CECR2: variants seen among roughly 807,000 people sequenced by gnomAD.
The protein encoded by CECR2 is chromatin remodeling regulator CECR2.
A neutral mutation model predicts 154.5 loss-of-function variants in CECR2; 30 were observed. The ratio of observed to expected loss-of-function variants is 0.19; its 90% CI spans 0.15 to 0.26. The LOEUF (loss-of-function observed/expected upper bound fraction) is 0.26. CECR2 is among the 10% of genes least tolerant of loss of function. The pLI is 1.00. For missense variants in CECR2, 1,743 were observed against 1,829.3 expected (o/e 0.95, Z 0.86); for synonymous variants, 725 against 683.7 (o/e 1.06, Z -0.94).
intron 1 of CECR2, among the ~76,000 whole-genome samples, chr22:17,391,137 G>A (rs1423908063): frequency 6.6e-6 from 1 of 152,128 alleles, no homozygotes; most frequent in Non-Finnish European, 1.5e-5. Context: ...ACTTTCTCTT[G>A]TATGACCACA....
At chr22:17,513,241 A>G (rs2055991614) in intron 8 of CECR2, among the ~76,000 whole-genome samples, 1 of 152,220 alleles carries the variant, frequency 6.6e-6, no homozygotes, top group Non-Finnish European at 1.5e-5. Context: ...GGAAGGGACA[A>G]CACTTTTTAA....
At chr22:17,480,672 A>G (rs1300440483) in intron 2 of CECR2, among the ~76,000 whole-genome samples, 5 of 152,222 alleles carry the variant, frequency 3.3e-5, no homozygotes. Context: ...CATTCTAAAG[A>G]AAGAGAAATT....
chr22:17,447,287 G>A (rs2054687538), intron 1 of CECR2, among the ~76,000 whole-genome samples: 1 of 151,902 alleles, frequency 6.6e-6, no homozygotes, highest in African/African-American at 2.4e-5. Flanking sequence ...CGAGTAGCTG[G>A]GACTACAGGC....
chr22:17,511,450 C>T (rs1483812386), intron 7 of CECR2, among the ~76,000 whole-genome samples: 1 of 152,130 alleles, frequency 6.6e-6, no homozygotes, highest in Admixed American at 6.6e-5. Context: ...CCTGATGCCC[C>T]CTCCCAGAGC....
chr22:17,430,589 A>G (rs1016209022), intron 1 of CECR2, among the ~76,000 whole-genome samples: 2 of 152,164 alleles, frequency 1.3e-5, no homozygotes, highest in African/African-American at 4.8e-5. Flanking sequence ...TCTCTGGGTT[A>G]GACTGCCCTG....
chr22:17,552,055 G>A lies in CECR2; in HGVS notation c.4302G>A (p.Ser1434=), dbSNP rs746790177. The A allele has an allele frequency of 1.1e-5, 18 of 1,613,798 alleles. No individual in the cohort carries two copies. The highest frequency in any genetic ancestry group is 2.7e-5 in the African/African-American group (2 of 74,882). Residue 1434 remains serine, a synonymous_variant, in exon 18 of 19, where the codon TCG becomes TCA. Coordinates refer to ENST00000262608, the MANE Select transcript of CECR2 (RefSeq NM_001290047.2). ...GAATGCAGATGCACCCGGTCCAGTC[G>A]CAGGCCTCGTTCCCAAAGACCCCCA... ...PSGMQMHPVQ[S]QASFPKTPTA...
chr22:17,538,213 G>A (rs143851809), intron 10 of CECR2, among the ~76,000 whole-genome samples: 3 of 152,290 alleles, frequency 2.0e-5, no homozygotes, highest in Non-Finnish European at 4.4e-5. Context: ...GCAAGATCCT[G>A]TCTCAAAATA....
At chr22:17,539,143 T>A (rs1352419681) in intron 13 of CECR2, 24 bp downstream of exon 13, 2 of 1,609,396 alleles carry the variant, frequency 1.2e-6, no homozygotes, top group Non-Finnish European at 1.7e-6. Context: ...GAGTTTGTGC[T>A]AGATACATAT....
intron 1 of CECR2, among the ~76,000 whole-genome samples, chr22:17,459,354 T>C (rs1024031801): frequency 6.6e-6 from 1 of 152,238 alleles, no homozygotes; most frequent in Non-Finnish European, 1.5e-5. Context: ...CATAGTGGCA[T>C]GACCACAGCT....
chr22:17,379,518 G>A (rs2063160309), intron 1 of CECR2, among the ~76,000 whole-genome samples: 6 of 151,846 alleles, frequency 4.0e-5, no homozygotes, highest in Admixed American at 3.9e-4. Flanking sequence ...GCATTGAGCA[G>A]TGGTGTACTG....
At chr22:17,367,922 T>G (rs1171311586), upstream of CECR2, among the ~76,000 whole-genome samples, 1 of 152,136 alleles carries the variant, frequency 6.6e-6, no homozygotes, top group Non-Finnish European at 1.5e-5. Flanking sequence ...TGCCAAACAT[T>G]AAATAAAAAG....
At chr22:17,490,485 A>C (rs1282155228) in intron 2 of CECR2, among the ~76,000 whole-genome samples, 3 of 152,030 alleles carry the variant, frequency 2.0e-5, no homozygotes, top group African/African-American at 7.2e-5. Flanking sequence ...CCCAGGCTGG[A>C]GTGCAGTGGT....
At chr22:17,473,044 C>T (rs772334569) in intron 1 of CECR2, among the ~76,000 whole-genome samples, 2 of 152,024 alleles carry the variant, frequency 1.3e-5, no homozygotes, top group African/African-American at 4.8e-5. Context: ...CTGCACGGCT[C>T]GAAGGATTTG....
intron 1 of CECR2, among the ~76,000 whole-genome samples, chr22:17,417,503 A>T (rs145393747): frequency 2.6e-3 from 397 of 152,260 alleles, no homozygotes; most frequent in East Asian, 0.018. Flanking sequence ...TTTTAAATTG[A>T]TACAGGATCT....
chr22:17,431,707 CTAAAG>C (rs1335057296), intron 1 of CECR2, among the ~76,000 whole-genome samples: 2 of 151,784 alleles, frequency 1.3e-5, no homozygotes, highest in Non-Finnish European at 2.9e-5. Context: ...AAAAAAAAGA[CTAAAG>C]TGGTAATTCT....
intron 1 of CECR2, among the ~76,000 whole-genome samples, chr22:17,438,204 T>C (rs963786116): frequency 1.3e-5 from 2 of 152,232 alleles, no homozygotes; most frequent in Non-Finnish European, 2.9e-5. Context: ...TGACATGCGT[T>C]ACAAACAGAA....
At chr22:17,383,149 C>T (rs1324996375) in intron 1 of CECR2, among the ~76,000 whole-genome samples, 3 of 152,030 alleles carry the variant, frequency 2.0e-5, no homozygotes, top group Admixed American at 6.6e-5. Flanking sequence ...CTCTTGAACC[C>T]GGGAGGCGGA....
At chr22:17,432,518 C>T (rs1464905820) in intron 1 of CECR2, among the ~76,000 whole-genome samples, 1 of 152,216 alleles carries the variant, frequency 6.6e-6, no homozygotes. Context: ...CATATGATTA[C>T]TGTGTTTAAC....
chr22:17,538,520 C>G lies in CECR2; in HGVS notation c.1239C>G (p.Leu413=). The change falls in exon 11 of 19, where the codon CTC becomes CTG. Residue 413 remains leucine, a splice_region_variant and synonymous_variant. Coordinates refer to ENST00000262608, the MANE Select transcript of CECR2 (RefSeq NM_001290047.2). ...TAATTTCTTATTTTGTGATTTACAG[C>G]TTTGAGTTGGATGATGATTTCACTG... The part of the protein sequence containing the change: ...PMREEKKTKD[L]FELDDDFTAM... 6.2e-7 allele frequency: 1 copy of G among 1,613,432 alleles called. No individual in the cohort carries two copies. The highest frequency in any genetic ancestry group is 8.5e-7 in the Non-Finnish European group (1 of 1,179,402).
Sources: allele counts gnomAD v4.1 joint callset (sites outside exome capture counted in the v4.1 genomes callset), GRCh38; gene constraint gnomAD v4.1.1; transcripts MANE v1.5; gene names NCBI Gene and HGNC (gene_info 2026-07-23, HGNC 2026-07-21).